ZNF385B: variants seen among roughly 807,000 people sequenced by gnomAD.
ZNF385B encodes the protein zinc finger protein 385B.
ZNF385B carries 23 observed loss-of-function variants against 39.2 expected under a neutral mutation model. The ratio of observed to expected loss-of-function variants is 0.59; its 90% CI spans 0.42 to 0.83. The LOEUF (loss-of-function observed/expected upper bound fraction) is 0.83, where lower values mean the gene tolerates loss of function less well. ZNF385B is among the 40% of genes least tolerant of loss of function. The pLI, the probability that ZNF385B is intolerant of heterozygous loss-of-function variation, is 0.00. For missense variants in ZNF385B, 552 were observed against 598.9 expected (o/e 0.92, Z 0.82); for synonymous variants, 205 against 222.6 (o/e 0.92, Z 0.70).
intron 6 of ZNF385B, among the ~76,000 whole-genome samples, chr2:179,453,446 G>A (rs2050356295): frequency 6.6e-6 from 1 of 152,066 alleles, no homozygotes; most frequent in South Asian, 2.1e-4. Context: ...CTGAAGATGG[G>A]AGGACTCACT....
intron 5 of ZNF385B, among the ~76,000 whole-genome samples, chr2:179,509,790 T>C (rs1297454896): frequency 2.0e-5 from 3 of 152,234 alleles, no homozygotes; most frequent in Non-Finnish European, 2.9e-5. Flanking sequence ...TATTCAACAA[T>C]TTGTACTGCT....
At chr2:179,601,783 C>T (rs183859201) in intron 3 of ZNF385B, among the ~76,000 whole-genome samples, 1 of 152,192 alleles carries the variant, frequency 6.6e-6, no homozygotes, top group Non-Finnish European at 1.5e-5. Context: ...TCAAGAGAGC[C>T]AGCAATATTA....
intron 3 of ZNF385B, among the ~76,000 whole-genome samples, chr2:179,696,177 G>A (rs1013221344): frequency 1.3e-5 from 2 of 151,916 alleles, no homozygotes; most frequent in African/African-American, 2.4e-5. Context: ...TTGAGGTTAT[G>A]AAAATATTGT....
chr2:179,807,527 G>A (rs1379398030), intron 1 of ZNF385B, among the ~76,000 whole-genome samples: 1 of 152,016 alleles, frequency 6.6e-6, no homozygotes, highest in Non-Finnish European at 1.5e-5. Context: ...AGGTTGCAGT[G>A]AGCCAAGATC....
At chr2:179,581,272 G>T (rs933412378) in intron 3 of ZNF385B, among the ~76,000 whole-genome samples, 16 of 152,078 alleles carry the variant, frequency 1.1e-4, no homozygotes, top group African/African-American at 2.7e-4. Flanking sequence ...ACCAAGCATG[G>T]TTCCTTCTAA....
At chr2:179,459,563 C>G (rs766015227) in intron 6 of ZNF385B, among the ~76,000 whole-genome samples, 1 of 149,678 alleles carries the variant, frequency 6.7e-6, no homozygotes, top group Non-Finnish European at 1.5e-5. Context: ...TGGAATTAAT[C>G]ATCTAGTGGG....
At chr2:179,743,702 G>C (rs953696540) in intron 3 of ZNF385B, among the ~76,000 whole-genome samples, 3 of 152,140 alleles carry the variant, frequency 2.0e-5, no homozygotes, top group African/African-American at 4.8e-5. Context: ...CTGATAGAAA[G>C]AGAAGGTTAA....
chr2:179,574,487 G>A (rs1186937017), intron 3 of ZNF385B, among the ~76,000 whole-genome samples: 8 of 152,136 alleles, frequency 5.3e-5, no homozygotes, highest in Admixed American at 4.6e-4. Context: ...AAGGAGCAGC[G>A]TGGGCTAAAA....
intron 3 of ZNF385B, among the ~76,000 whole-genome samples, chr2:179,679,321 A>C (rs544670323): frequency 6.6e-6 from 1 of 152,366 alleles, no homozygotes; most frequent in African/African-American, 2.4e-5. Flanking sequence ...TTCCCACTGC[A>C]AAATCGCCTA....
At chr2:179,607,552 A>T (rs991509558) in intron 3 of ZNF385B, among the ~76,000 whole-genome samples, 24 of 152,304 alleles carry the variant, frequency 1.6e-4, no homozygotes, top group African/African-American at 5.8e-4. Context: ...AGTCTCAGGT[A>T]GTTCTTTATA....
chr2:179,802,948 A>G (rs1419041170), intron 1 of ZNF385B, among the ~76,000 whole-genome samples: 1 of 152,210 alleles, frequency 6.6e-6, no homozygotes, highest in Non-Finnish European at 1.5e-5. Flanking sequence ...TAAATTAAAA[A>G]AACGCAATAG....
At chr2:179,504,869 C>A (rs1355304934) in intron 5 of ZNF385B, among the ~76,000 whole-genome samples, 1 of 151,478 alleles carries the variant, frequency 6.6e-6, no homozygotes, top group African/African-American at 2.4e-5. Context: ...GAGGACAGCA[C>A]CAAGGGGGAT....
chr2:179,656,362 A>G (rs913972192), intron 3 of ZNF385B, among the ~76,000 whole-genome samples: 16 of 152,068 alleles, frequency 1.1e-4, no homozygotes, highest in Admixed American at 5.2e-4. Context: ...ACTGAGGCTT[A>G]AAGAGGGTAA....
At chr2:179,702,881 C>T (rs1053680680) in intron 3 of ZNF385B, among the ~76,000 whole-genome samples, 5 of 152,096 alleles carry the variant, frequency 3.3e-5, no homozygotes, top group East Asian at 3.9e-4. Flanking sequence ...CTCTTTCTCC[C>T]GCATCCCGTG....
chr2:179,718,327 T>C (rs1700462457), intron 3 of ZNF385B, among the ~76,000 whole-genome samples: 1 of 148,926 alleles, frequency 6.7e-6, no homozygotes, highest in Admixed American at 6.7e-5. Context: ...CAATGATATA[T>C]ATTATCATAA....
chr2:179,558,874 G>A (rs2061133423), intron 3 of ZNF385B, among the ~76,000 whole-genome samples: 1 of 152,132 alleles, frequency 6.6e-6, no homozygotes, highest in Non-Finnish European at 1.5e-5. Flanking sequence ...CAGCATGAAA[G>A]CCCCTGTTCC....
intron 3 of ZNF385B, among the ~76,000 whole-genome samples, chr2:179,676,607 G>T (rs1696864329): frequency 6.6e-6 from 1 of 152,204 alleles, no homozygotes; most frequent in Non-Finnish European, 1.5e-5. Flanking sequence ...GCAGCGGGGG[G>T]ACAGGCAGAA....
intron 3 of ZNF385B, among the ~76,000 whole-genome samples, chr2:179,560,789 T>C (rs1028883263): frequency 6.6e-6 from 1 of 152,214 alleles, no homozygotes; most frequent in Non-Finnish European, 1.5e-5. Context: ...CTCATAAAAT[T>C]TGTCATTTGC....
chr2:179,458,531 T>C (rs1056089618), intron 6 of ZNF385B, among the ~76,000 whole-genome samples: 2 of 152,226 alleles, frequency 1.3e-5, no homozygotes, highest in Non-Finnish European at 2.9e-5. Flanking sequence ...GATGTGATTC[T>C]TTAATGGTTG....
Sources: gnomAD v4.1 joint callset for allele counts (sites outside exome capture counted in the v4.1 genomes callset) on GRCh38, gnomAD v4.1.1 for gene constraint, MANE v1.5 for transcripts, NCBI Gene and HGNC (gene_info 2026-07-23, HGNC 2026-07-21) for gene names.